The following CTSV variants were observed in gnomAD, a reference collection of about 807,000 sequenced individuals.
CTSV encodes cathepsin L2.
A neutral mutation model predicts 35.6 loss-of-function variants in CTSV; 33 were observed. The observed-to-expected ratio is 0.93, with a 90% CI of 0.70 to 1.24. The LOEUF is 1.24. CTSV is among the 50% of genes most tolerant of loss of function. CTSV has a pLI of 0.00. For synonymous variants in CTSV, 154 were observed against 147.1 expected (o/e 1.05, Z -0.34); for missense variants, 408 against 413.1 (o/e 0.99, Z 0.11).
chr9:97,037,845 T>G (rs1828882277), intron 2 of CTSV, 73 bp downstream of exon 2: 2 of 1,581,712 alleles, frequency 1.3e-6, no homozygotes, highest in Non-Finnish European at 1.7e-6. Context: ...GAAGCTACTC[T>G]CTGGCTATCA....
chr9:97,036,782 A>G, intron 4 of CTSV, 35 bp from the exon 5 acceptor site: 1 of 1,522,010 alleles, frequency 6.6e-7, no homozygotes, highest in Non-Finnish European at 8.9e-7. Context: ...GTAAATTTAC[A>G]AGACCAATAC....
At position 97,030,599 on chromosome 9, in the gene CTSV, C is replaced by A. The variant is rs912677973; in HGVS notation, c.*2350G>T. The A allele has an allele frequency of 6.6e-6, 1 of 152,078 alleles. No homozygotes were observed. Among genetic ancestry groups the A allele is most frequent in the Non-Finnish European group, 1.5e-5 (1 of 68,012 alleles). The allele number at this position is 152,078 out of a possible 1,614,324, so 9.4% of individuals were successfully genotyped here. ...TTTACCCATGTTTATTGACAGCAAG[C>A]CAGTGATAAACATTGTTTCTATAGA... On this transcript the variant is annotated 3_prime_UTR_variant, in exon 8 of 8. Coordinates refer to ENST00000259470, the MANE Select transcript of CTSV (RefSeq NM_001333.4).
At chr9:97,034,642 G>C in intron 7 of CTSV, 84 bp downstream of exon 7, 1 of 1,050,756 alleles carries the variant, frequency 9.5e-7, no homozygotes, top group Non-Finnish European at 1.5e-6. Flanking sequence ...AAGACTTTCG[G>C]AATTTTGAAA....
chr9:97,035,420 TCA>T, intron 6 of CTSV, 106 bp downstream of exon 6: 4 of 840,116 alleles, frequency 4.8e-6, no homozygotes, highest in South Asian at 4.2e-5. Context: ...TGTTAAATGC[TCA>T]CTCTCAAAAT....
rs746129204 is a variant in CTSV, at chr9:97,035,510, T to G, written c.787+18A>C. Reference sequence around the variant, plus strand: ...CTTCCCAATTCTGCCTAAATTTCTATAATAAAATGACACTTACCTGATTTG... The same window carrying G: ...CTTCCCAATTCTGCCTAAATTTCTAGAATAAAATGACACTTACCTGATTTG... On this transcript the variant is annotated intron_variant, in intron 6 of 7. Transcript: ENST00000259470. 6.8e-7 allele frequency: 1 copy of G among 1,463,866 alleles called. No individual in the cohort carries two copies. Among genetic ancestry groups the G allele is most frequent in the Non-Finnish European group, 9.1e-7 (1 of 1,097,978 alleles). 90.7% of individuals were successfully genotyped at this position (1,463,866 alleles called of 1,614,324 possible).
intron 7 of CTSV, among the ~76,000 whole-genome samples, chr9:97,033,921 C>T (rs746909906): frequency 6.6e-6 from 1 of 151,066 alleles, no homozygotes; most frequent in Non-Finnish European, 1.5e-5. Flanking sequence ...GGTGAAACCC[C>T]GTCTCTACTA....
At chr9:97,035,419 C>T (rs577980755) in intron 6 of CTSV, 109 bp downstream of exon 6, 60 of 829,812 alleles carry the variant, frequency 7.2e-5, no homozygotes, top group East Asian at 6.3e-4. Context: ...ATGTTAAATG[C>T]TCACTCTCAA....
chr9:97,037,056 G>A (rs1259655244), intron 4 of CTSV, among the ~76,000 whole-genome samples, 196 bp downstream of exon 4: 4 of 152,008 alleles, frequency 2.6e-5, no homozygotes, highest in Non-Finnish European at 5.9e-5. Flanking sequence ...GCAGTGAGAC[G>A]AGATCACGCC....
Position 97,032,296 on chromosome 9 carries a change from G to C in CTSV, c.*653C>G, listed in dbSNP as rs1828763864. 2.0e-5 allele frequency: 3 copies of C among 152,376 alleles called. No individual in the cohort carries two copies. The highest frequency in any genetic ancestry group is 2.0e-4 in the Admixed American group (3 of 15,278). 9.4% of individuals were successfully genotyped at this position (152,376 alleles called of 1,614,324 possible). A position where few individuals can be genotyped will look rare whatever the true frequency, so the allele number is the denominator to read the frequency against. ...CGCCTGTAATCCCAGCTACTCGGGA[G>C]GCTGAGGCAGAGAATTGCTTAAACC... On this transcript the variant is annotated 3_prime_UTR_variant, in exon 8 of 8. Coordinates refer to ENST00000259470, the MANE Select transcript of CTSV (RefSeq NM_001333.4).
At chr9:97,036,020 TG>T (rs1828842026) in intron 5 of CTSV, among the ~76,000 whole-genome samples, 5 of 152,100 alleles carry the variant, frequency 3.3e-5, no homozygotes, top group African/African-American at 1.2e-4. Context: ...GGTACTTATA[TG>T]GTAACCATTA....
chr9:97,036,219 C>T (rs1462490791), intron 5 of CTSV, among the ~76,000 whole-genome samples: 6 of 151,966 alleles, frequency 3.9e-5, no homozygotes, highest in South Asian at 4.2e-4. Context: ...TACGGGCACC[C>T]GCCACCAGGC....
chr9:97,036,646 C>T lies in CTSV; in HGVS notation c.498G>A (p.Leu166=). 1.2e-6 allele frequency: 2 copies of T among 1,613,988 alleles called. No individual in the cohort carries two copies. Among genetic ancestry groups the T allele is most frequent in the Middle Eastern group, 1.6e-4 (1 of 6,062 alleles). Residue 166 remains leucine (L), a synonymous_variant, in exon 5 of 8, where the codon CTG becomes CTA. Coordinates refer to ENST00000259470, the MANE Select transcript of CTSV (RefSeq NM_001333.4). ...GKLVSLSEQN[L]VDCSRPQGNQ... ...TGCCTTGAGGACGCGAACAGTCCAC[C>T]AGATTCTGCTCGCTCAGTGAGACAA...
rs768429597 is a variant in CTSV at position 97,036,686 on chromosome 9, C to T, written c.458G>A (p.Arg153Gln). ...ATGALEGQMF[R>Q]KTGKLVSLSE... ...CAGTGAGACAAGTTTCCCAGTTTTC[C>T]GGAACATCTGTCCTTCAAGAGCACC... is the stretch of plus-strand genomic sequence containing the variant. The change falls in exon 5 of 8, where the codon CGG becomes CAG. Residue 153 changes from arginine to glutamine, a missense_variant. Physicochemically the swap from Arg to Gln is conservative, Grantham distance 43. Transcript: ENST00000259470. The T allele has an allele frequency of 2.0e-5, 33 of 1,613,796 alleles. 1 individual carries two copies. The highest frequency in any genetic ancestry group is 2.7e-5 in the African/African-American group (2 of 74,824).
intron 4 of CTSV, 108 bp downstream of exon 4, chr9:97,037,144 T>C: frequency 8.1e-7 from 1 of 1,237,402 alleles, no homozygotes; most frequent in Non-Finnish European, 1.1e-6. Flanking sequence ...AAACCAAAAA[T>C]ACAAAAAACC....
intron 1 of CTSV, among the ~76,000 whole-genome samples, 177 bp downstream of exon 1, chr9:97,038,894 C>T (rs965203759): frequency 2.6e-5 from 4 of 152,130 alleles, no homozygotes; most frequent in African/African-American, 4.8e-5. Flanking sequence ...CCAGTGGTGC[C>T]GGCGCCTCCC....
chr9:97,038,728 CG>C (rs1324241344), intron 1 of CTSV, among the ~76,000 whole-genome samples: 3 of 152,174 alleles, frequency 2.0e-5, no homozygotes, highest in African/African-American at 7.2e-5. Context: ...GGGGCCGCAC[CG>C]CCTGCTCTCG....
rs267602328 is a variant in CTSV, at chr9:97,037,277, C to T, written c.371G>A (p.Gly124Asp). 1.2e-6 allele frequency: 2 copies of T among 1,614,134 alleles called. No homozygotes were observed. Among genetic ancestry groups the T allele is most frequent in the Non-Finnish European group, 1.7e-6 (2 of 1,180,012 alleles). Residue 124 changes from glycine to aspartate, a missense_variant, in exon 4 of 8, where the codon GGC becomes GAC. Gly to Asp is a moderately conservative substitution (Grantham distance 94, BLOSUM62 -1). Transcript: ENST00000259470. ...LPKSVDWRKK[G>D]YVTPVKNQKQ... ...CTGATTCTTCACTGGCGTCACGTAG[C>T]CTTTCTTTCTCCAATCCACAGATTT...
rs1371209629 is a variant in CTSV, at chr9:97,029,797, C to G, written c.*3152G>C. 2.6e-5 allele frequency: 4 copies of G among 152,226 alleles called. No homozygotes were observed. In the East Asian group the frequency reaches 5.8e-4, roughly 22 times the overall value. 9.4% of individuals were successfully genotyped at this position (152,226 alleles called of 1,614,324 possible). On this transcript the variant is annotated 3_prime_UTR_variant, in exon 8 of 8. Transcript: ENST00000259470. ...GTCATGTGCTGTGTGATGTTTTGGT[C>G]AGTGACTGCATATATGATAGTGGTC...
At position 97,031,492 on chromosome 9, in the gene CTSV, C is replaced by T. The variant is rs373786189; in HGVS notation, c.*1457G>A. 5.3e-5 allele frequency: 8 copies of T among 152,328 alleles called. No individual in the cohort carries two copies. In the South Asian group the frequency reaches 1.7e-3, roughly 32 times the overall value. The allele number at this position is 152,328 out of a possible 1,614,324, so 9.4% of individuals were successfully genotyped here. A position where few individuals can be genotyped will look rare whatever the true frequency, so the allele number is the denominator to read the frequency against. ...GTGGGTATATCTTTACTATTTTCTCCTGCTCATAAAAATACATGCTTTTCA... is the reference window on the plus strand; with the variant it reads ...GTGGGTATATCTTTACTATTTTCTCTTGCTCATAAAAATACATGCTTTTCA... On this transcript the variant is annotated 3_prime_UTR_variant, in exon 8 of 8. Coordinates refer to ENST00000259470, the MANE Select transcript of CTSV (RefSeq NM_001333.4).
Sources: gnomAD v4.1 joint callset for allele counts (sites outside exome capture counted in the v4.1 genomes callset) on GRCh38, gnomAD v4.1.1 for gene constraint, MANE v1.5 for transcripts, NCBI Gene and HGNC (gene_info 2026-07-23, HGNC 2026-07-21) for gene names.